GALNT16: variants seen among roughly 807,000 people sequenced by gnomAD.
The protein encoded by GALNT16 is UDP-GalNAc:polypeptide N-acetylgalactosaminyltransferase-like protein 1.
GALNT16 carries 40 observed loss-of-function variants against 76.1 expected under a neutral mutation model. The observed-to-expected ratio is 0.53, with a 90% CI of 0.41 to 0.68. The LOEUF (loss-of-function observed/expected upper bound fraction) is 0.68, where lower values mean the gene tolerates loss of function less well. GALNT16 is among the 30% of genes least tolerant of loss of function. The probability of loss-of-function intolerance (pLI) is 0.00; values close to 1 mark genes in which losing one functional copy is unlikely to be tolerated. For synonymous variants in GALNT16, 276 were observed against 285.2 expected (o/e 0.97, Z 0.32); for missense variants, 621 against 731.9 (o/e 0.85, Z 1.75).
intron 1 of GALNT16, among the ~76,000 whole-genome samples, chr14:69,290,169 G>A (rs1431648783): frequency 6.6e-6 from 1 of 152,252 alleles, no homozygotes; most frequent in Non-Finnish European, 1.5e-5. Flanking sequence ...CACACGCCAT[G>A]TGTTCATCTT....
At position 69,301,357 on chromosome 14, in the gene GALNT16, A is replaced by T. The variant is rs558966415; in HGVS notation, c.178-19354A>T. Among the ~76,000 whole-genome samples, 31 of 152,204 alleles carry T rather than the reference A, an allele frequency of 2.0e-4. No homozygotes were observed. In the East Asian group the frequency reaches 2.9e-3, roughly 14 times the overall value. ...ACAGAGTATGTAGCTTTATTTTTTT[A>T]AATTATTATTATTTGAGACGGAGTC... On this transcript the variant is annotated intron_variant, in intron 1 of 14. Transcript: ENST00000448469.
intron 2 of GALNT16, among the ~76,000 whole-genome samples, chr14:69,321,418 G>A (rs899125513): frequency 7.9e-5 from 12 of 152,152 alleles, no homozygotes; most frequent in African/African-American, 2.9e-4. Context: ...TGCGTGACCG[G>A]CCTTAAGCAA....
At chr14:69,260,136 A>ACAC, upstream of GALNT16, 25 of 113,990 alleles carry the variant, frequency 2.2e-4, 4 homozygotes, top group South Asian at 1.5e-3. Context: ...TCTCCCTATC[A>ACAC]CCCCCCCGCC....
chr14:69,270,369 G>A (rs2044392637), intron 1 of GALNT16, among the ~76,000 whole-genome samples: 1 of 152,158 alleles, frequency 6.6e-6, no homozygotes, highest in African/African-American at 2.4e-5. Context: ...CCAGGTGACT[G>A]GTATGACACA....
chr14:69,334,219 C>T (rs1467365028), intron 9 of GALNT16, among the ~76,000 whole-genome samples: 1 of 152,216 alleles, frequency 6.6e-6, no homozygotes, highest in Non-Finnish European at 1.5e-5. Flanking sequence ...GAAGCAGCAG[C>T]GAAGGAGACA....
intron 6 of GALNT16, among the ~76,000 whole-genome samples, chr14:69,330,908 C>T (rs2045344269): frequency 6.6e-6 from 1 of 151,968 alleles, no homozygotes; most frequent in South Asian, 2.1e-4. Flanking sequence ...GCGAGTCTGA[C>T]CTTGTAACAG....
intron 6 of GALNT16, 114 bp downstream of exon 6, chr14:69,328,685 AATAG>A: frequency 9.6e-7 from 1 of 1,044,268 alleles, no homozygotes; most frequent in Non-Finnish European, 1.4e-6. Context: ...AGGAAGCCCA[AATAG>A]TCTACTTCCC....
At chr14:69,341,657 C>T in intron 11 of GALNT16, 24 bp from the exon 12 acceptor site, 1 of 1,562,422 alleles carries the variant, frequency 6.4e-7, no homozygotes, top group Non-Finnish European at 8.8e-7. Context: ...CAGGCCAAAG[C>T]CCAAGCCCTG....
intron 1 of GALNT16, among the ~76,000 whole-genome samples, chr14:69,280,973 C>G (rs1277634551): frequency 1.3e-5 from 2 of 152,098 alleles, no homozygotes; most frequent in African/African-American, 4.8e-5. Context: ...GTAAAGGTGG[C>G]CAAACTGCTC....
At chr14:69,286,022 C>G (rs2044606489) in intron 1 of GALNT16, among the ~76,000 whole-genome samples, 1 of 152,144 alleles carries the variant, frequency 6.6e-6, no homozygotes, top group Non-Finnish European at 1.5e-5. Context: ...CCCTGCCAAG[C>G]CAGGCCAAAG....
Position 69,341,660 on chromosome 14 carries a change from AAGCCCT to A in GALNT16, c.1188-20_1188-15del. ...CTTCCACACTGGCAGGCCAAAGCCC[AAGCCCT>A]GCCTCCTCCTACAGTGTGGCTACGC... On this transcript the variant is annotated splice_polypyrimidine_tract_variant and intron_variant, in intron 11 of 14. Coordinates refer to ENST00000448469, the MANE Select transcript of GALNT16 (RefSeq NM_001168368.2). 2 of 1,576,846 alleles carry A rather than the reference AAGCCCT, an allele frequency of 1.3e-6. No homozygotes were observed. The highest frequency in any genetic ancestry group is 8.7e-7 in the Non-Finnish European group (1 of 1,150,602).
chr14:69,341,665 C>G lies in GALNT16; in HGVS notation c.1188-16C>G, dbSNP rs973646294. 17 of 1,594,300 alleles carry G rather than the reference C, an allele frequency of 1.1e-5. No homozygotes were observed. Among genetic ancestry groups the G allele is most frequent in the Non-Finnish European group, 1.5e-5 (17 of 1,165,448 alleles). ...ACACTGGCAGGCCAAAGCCCAAGCC[C>G]TGCCTCCTCCTACAGTGTGGCTACG... is the stretch of plus-strand genomic sequence containing the variant. On this transcript the variant is annotated splice_polypyrimidine_tract_variant and intron_variant, in intron 11 of 14. Coordinates refer to ENST00000448469, the MANE Select transcript of GALNT16 (RefSeq NM_001168368.2).
At chr14:69,325,449 T>C (rs756666775) in intron 4 of GALNT16, 45 bp downstream of exon 4, 25 of 1,131,800 alleles carry the variant, frequency 2.2e-5, no homozygotes, top group South Asian at 2.1e-4. Flanking sequence ...TCCGCCCTCG[T>C]CCCTGTTTCC....
the GALNT16 span, among the ~76,000 whole-genome samples, chr14:69,375,046 A>G: frequency 6.6e-6 from 1 of 152,240 alleles, no homozygotes; most frequent in Admixed American, 6.5e-5. Flanking sequence ...AGTTTCCAAC[A>G]CATAAACTTT....
In GALNT16 at chr14:69,285,038, C is replaced by CTTTTTT. The variant is rs1239622713; in HGVS notation, c.177+24572_177+24573insTTTTTT. On this transcript the variant is annotated intron_variant, in intron 1 of 14. Transcript: ENST00000448469. The stretch of plus-strand genomic sequence containing the variant: ...TTTATATGTTACCCAGTCTCGGGCA[C>CTTTTTT]TCTTTTTTTTTTTTTTTTTTGAGAC... Among the ~76,000 whole-genome samples the CTTTTTT allele has an allele frequency of 4.6e-5, 6 of 130,498 alleles. 1 individual carries two copies. The highest frequency in any genetic ancestry group is 3.2e-5 in the Non-Finnish European group (2 of 63,086). 85.6% of individuals were successfully genotyped at this position (130,498 alleles called of 152,430 possible). A position where few individuals can be genotyped will look rare whatever the true frequency, so the allele number is the denominator to read the frequency against.
In GALNT16 at chr14:69,261,654, T is replaced by C. The variant is rs1186793285; in HGVS notation, c.177+1187T>C. On this transcript the variant is annotated intron_variant, in intron 1 of 14. Transcript: ENST00000448469. The surrounding 1 kb of genome is among the most constrained non-coding windows in gnomAD (Gnocchi z 6.4). ...GGGCTGAGGCTTGTGTGGAGCCGAATCCGAGAAACGCATCCAGACGCGGAT... is the reference window on the plus strand; with the variant it reads ...GGGCTGAGGCTTGTGTGGAGCCGAACCCGAGAAACGCATCCAGACGCGGAT... Among the ~76,000 whole-genome samples the C allele has an allele frequency of 1.3e-5, 2 of 152,088 alleles. No homozygotes were observed. Among genetic ancestry groups the C allele is most frequent in the East Asian group, 3.9e-4 (2 of 5,186 alleles).
intron 5 of GALNT16, among the ~76,000 whole-genome samples, chr14:69,328,224 T>TA (rs1259233220): frequency 6.6e-6 from 1 of 151,926 alleles, no homozygotes; most frequent in Non-Finnish European, 1.5e-5. Flanking sequence ...GACTGGCACA[T>TA]AGAGGGCACT....
At chr14:69,334,426 A>T (rs370421124) in intron 9 of GALNT16, among the ~76,000 whole-genome samples, 1 of 152,192 alleles carries the variant, frequency 6.6e-6, no homozygotes. Context: ...TTCATTTGCA[A>T]AACAGGGTTG....
intron 7 of GALNT16, among the ~76,000 whole-genome samples, chr14:69,331,862 A>G (rs1200346600): frequency 6.6e-6 from 1 of 152,230 alleles, no homozygotes; most frequent in Admixed American, 6.5e-5. Flanking sequence ...TCATGGCCAC[A>G]AGTCCCGGCA....
Sources: allele counts gnomAD v4.1 joint callset (sites outside exome capture counted in the v4.1 genomes callset), GRCh38; gene constraint gnomAD v4.1.1; non-coding constraint Gnocchi (gnomAD v3.1); transcripts MANE v1.5; gene names NCBI Gene and HGNC (gene_info 2026-07-23, HGNC 2026-07-21).